The following HS6ST3 variants were observed in gnomAD, a reference collection of about 807,000 sequenced individuals.
HS6ST3 encodes the protein heparan-sulfate 6-O-sulfotransferase 3.
HS6ST3 carries 12 observed loss-of-function variants against 36.7 expected under a neutral mutation model. The observed-to-expected ratio is 0.33, with a 90% CI of 0.21 to 0.53. The LOEUF is 0.53. Ranked by LOEUF, HS6ST3 falls within the 20% of genes least tolerant of loss-of-function variation. The pLI, the probability that HS6ST3 is intolerant of heterozygous loss-of-function variation, is 0.95. For missense variants in HS6ST3, 584 were observed against 640.9 expected, an observed-to-expected ratio of 0.91 and a Z score of 0.96; for synonymous variants, 240 against 257.5, an observed-to-expected ratio of 0.93 and a Z score of 0.65.
chr13:96,728,796 G>A (rs1274424330), intron 1 of HS6ST3, among the ~76,000 whole-genome samples: 1 of 151,910 alleles, frequency 6.6e-6, no homozygotes, highest in African/African-American at 2.4e-5. Flanking sequence ...TTTTTTTCCT[G>A]AGCTGCATTA....
intron 1 of HS6ST3, among the ~76,000 whole-genome samples, chr13:96,784,140 G>T (rs550119453): frequency 2.0e-5 from 3 of 151,006 alleles, no homozygotes; most frequent in Non-Finnish European, 2.9e-5. Flanking sequence ...AATAAGTTGC[G>T]TGTTTATTTG....
intron 1 of HS6ST3, among the ~76,000 whole-genome samples, chr13:96,668,511 T>C (rs1465277632): frequency 4.6e-5 from 7 of 151,982 alleles, no homozygotes; most frequent in African/African-American, 7.3e-5. Context: ...TCCCTTCTGC[T>C]GAGGGACAAG....
chr13:96,660,832 C>G (rs1468866904), intron 1 of HS6ST3, among the ~76,000 whole-genome samples: 1 of 152,092 alleles, frequency 6.6e-6, no homozygotes, highest in Non-Finnish European at 1.5e-5. Flanking sequence ...ACATTTGAGT[C>G]AGTGGACTGG....
chr13:96,565,557 G>C (rs2056278123), intron 1 of HS6ST3, among the ~76,000 whole-genome samples: 1 of 152,140 alleles, frequency 6.6e-6, no homozygotes, highest in Non-Finnish European at 1.5e-5. Flanking sequence ...GGTGGCATGG[G>C]AGAGATGGGA....
chr13:96,664,981 G>A (rs1241293846), intron 1 of HS6ST3, among the ~76,000 whole-genome samples: 8 of 152,152 alleles, frequency 5.3e-5, no homozygotes, highest in Non-Finnish European at 8.8e-5. Flanking sequence ...AGACCAGCCC[G>A]GGCAACATGG....
At chr13:96,312,729 A>G (rs1204225568) in intron 1 of HS6ST3, among the ~76,000 whole-genome samples, 1 of 152,062 alleles carries the variant, frequency 6.6e-6, no homozygotes, top group Admixed American at 6.6e-5. Flanking sequence ...AGTCGGGCAG[A>G]TTGCCTGAGG....
intron 1 of HS6ST3, among the ~76,000 whole-genome samples, chr13:96,828,968 T>C (rs1373316837): frequency 6.6e-6 from 1 of 152,226 alleles, no homozygotes; most frequent in Non-Finnish European, 1.5e-5. Flanking sequence ...TCTAAAATTA[T>C]TAGGCATCAC....
chr13:96,733,311 A>G (rs1409657184), intron 1 of HS6ST3, among the ~76,000 whole-genome samples: 12 of 152,206 alleles, frequency 7.9e-5, no homozygotes, highest in Non-Finnish European at 8.8e-5. Context: ...TTCCTTCAAT[A>G]TGTAATTTGT....
At chr13:96,164,506 A>G (rs1342062461) in intron 1 of HS6ST3, among the ~76,000 whole-genome samples, 1 of 151,758 alleles carries the variant, frequency 6.6e-6, no homozygotes, top group Non-Finnish European at 1.5e-5. Context: ...GCAGTTTGCT[A>G]TGATCCCACC....
At chr13:96,254,338 C>T (rs769078602) in intron 1 of HS6ST3, among the ~76,000 whole-genome samples, 8 of 140,088 alleles carry the variant, frequency 5.7e-5, no homozygotes, top group Admixed American at 2.9e-4. Flanking sequence ...TGCTTGAACC[C>T]GGGAGGCAGA....
At chr13:96,218,903 T>G (rs1325862722) in intron 1 of HS6ST3, among the ~76,000 whole-genome samples, 2 of 152,198 alleles carry the variant, frequency 1.3e-5, no homozygotes, top group African/African-American at 4.8e-5. Context: ...CAGTGGAAGT[T>G]TTCAGTTAAG....
chr13:96,587,559 G>A (rs1209762419), intron 1 of HS6ST3, among the ~76,000 whole-genome samples: 1 of 152,208 alleles, frequency 6.6e-6, no homozygotes, highest in Non-Finnish European at 1.5e-5. Flanking sequence ...ATGGCATCAC[G>A]TGGCAGGAGC....
chr13:96,121,278 T>C (rs1185269276), intron 1 of HS6ST3, among the ~76,000 whole-genome samples: 1 of 152,204 alleles, frequency 6.6e-6, no homozygotes, highest in Non-Finnish European at 1.5e-5. Flanking sequence ...TTGCGCTATA[T>C]TCGACCAAGT....
chr13:96,451,302 T>A (rs2139485781), intron 1 of HS6ST3, among the ~76,000 whole-genome samples: 1 of 152,266 alleles, frequency 6.6e-6, no homozygotes, highest in African/African-American at 2.4e-5. Flanking sequence ...CCAAAATATA[T>A]TTTTATTTTG....
At chr13:96,500,510 AG>A (rs1377289987) in intron 1 of HS6ST3, among the ~76,000 whole-genome samples, 7 of 152,278 alleles carry the variant, frequency 4.6e-5, no homozygotes, top group African/African-American at 1.7e-4. Flanking sequence ...AGGGAGCCAA[AG>A]GTATACGTGG....
chr13:96,669,715 AACAG>A (rs1474269300), intron 1 of HS6ST3, among the ~76,000 whole-genome samples: 2 of 152,182 alleles, frequency 1.3e-5, no homozygotes, highest in African/African-American at 2.4e-5. Context: ...CCTGCTGTAG[AACAG>A]ACAGTGTTTA....
At chr13:96,146,246 A>G (rs2139320385) in intron 1 of HS6ST3, among the ~76,000 whole-genome samples, 1 of 152,316 alleles carries the variant, frequency 6.6e-6, no homozygotes, top group African/African-American at 2.4e-5. Flanking sequence ...TACCTAGGGC[A>G]GTATGGCCAT....
At chr13:96,700,093 G>C (rs577877011) in intron 1 of HS6ST3, among the ~76,000 whole-genome samples, 4 of 152,132 alleles carry the variant, frequency 2.6e-5, no homozygotes, top group Admixed American at 6.5e-5. Context: ...ACCTTAGACA[G>C]CTCTCCTGTA....
At chr13:96,768,225 G>T (rs1877169323) in intron 1 of HS6ST3, among the ~76,000 whole-genome samples, 1 of 152,132 alleles carries the variant, frequency 6.6e-6, no homozygotes, top group South Asian at 2.1e-4. Context: ...GGTCACACTT[G>T]CTTAGCATGC....
Sources: allele counts gnomAD v4.1 joint callset (sites outside exome capture counted in the v4.1 genomes callset), GRCh38; gene constraint gnomAD v4.1.1; transcripts MANE v1.5; gene names NCBI Gene and HGNC (gene_info 2026-07-23, HGNC 2026-07-21).